Variants in ASF1A observed in about 807,000 individuals in gnomAD.
ASF1A encodes the protein histone chaperone ASF1A.
In ASF1A, 5 loss-of-function variants were observed where a neutral mutation model predicts 22.0. The ratio of observed to expected loss-of-function variants is 0.23; its 90% CI spans 0.12 to 0.48. The LOEUF (loss-of-function observed/expected upper bound fraction) is 0.48, where lower values mean the gene tolerates loss of function less well. Among genes scored for constraint, ASF1A ranks in the 20% least tolerant of loss-of-function variants. The pLI is 0.99. For missense variants in ASF1A, 137 were observed against 240.6 expected (o/e 0.57, Z 2.85); for synonymous variants, 97 against 86.7 (o/e 1.12, Z -0.66).
chr6:118,900,363 CA>C (rs1779725900), intron 1 of ASF1A, among the ~76,000 whole-genome samples: 1 of 151,624 alleles, frequency 6.6e-6, no homozygotes, highest in Non-Finnish European at 1.5e-5. Flanking sequence ...AGATGATATA[CA>C]AAAAAAGGGG....
intron 1 of ASF1A, among the ~76,000 whole-genome samples, chr6:118,896,849 TA>T (rs1382000025): frequency 1.4e-5 from 2 of 138,974 alleles, no homozygotes; most frequent in East Asian, 2.1e-4. Context: ...TTTTTTTTTT[TA>T]AATGAGACAG....
At chr6:118,903,693 A>G (rs996977838) in intron 2 of ASF1A, among the ~76,000 whole-genome samples, 1 of 152,230 alleles carries the variant, frequency 6.6e-6, no homozygotes, top group African/African-American at 2.4e-5. Flanking sequence ...GATGTGAGCG[A>G]AGGACCTTTC....
chr6:118,894,807 C>G (rs568020975), intron 1 of ASF1A, among the ~76,000 whole-genome samples: 1 of 152,312 alleles, frequency 6.6e-6, no homozygotes, highest in South Asian at 2.1e-4. Flanking sequence ...CTCGGAGACC[C>G]GCACTCGCTC....
chr6:118,900,670 C>A, intron 1 of ASF1A, 96 bp from the exon 2 acceptor site: 3 of 852,912 alleles, frequency 3.5e-6, no homozygotes, highest in South Asian at 2.9e-5. Context: ...AATTTTAAAG[C>A]CAGTAAGTGG....
chr6:118,905,530 G>T, intron 2 of ASF1A, 122 bp from the exon 3 acceptor site: 1 of 678,386 alleles, frequency 1.5e-6, no homozygotes, highest in Non-Finnish European at 2.4e-6. Flanking sequence ...TTCCCAGTAT[G>T]ATTTCCAAGT....
At chr6:118,902,103 A>G (rs1779829868) in intron 2 of ASF1A, among the ~76,000 whole-genome samples, 1 of 152,236 alleles carries the variant, frequency 6.6e-6, no homozygotes, top group African/African-American at 2.4e-5. Context: ...AAATATATGA[A>G]TTAAAAGTGC....
intron 2 of ASF1A, 149 bp downstream of exon 2, chr6:118,901,030 G>A (rs1376965075): frequency 1.7e-6 from 1 of 602,778 alleles, no homozygotes; most frequent in Admixed American, 2.9e-5. Context: ...CATGTTTTAG[G>A]CAGTCTCTGT....
intron 1 of ASF1A, among the ~76,000 whole-genome samples, chr6:118,895,220 T>A (rs1203348884): frequency 1.3e-5 from 2 of 151,686 alleles, no homozygotes; most frequent in Middle Eastern, 3.4e-3. Context: ...GCGCCGGCGC[T>A]CCCCGGGGGC....
At chr6:118,903,550 T>C (rs1339239183) in intron 2 of ASF1A, among the ~76,000 whole-genome samples, 1 of 152,150 alleles carries the variant, frequency 6.6e-6, no homozygotes, top group South Asian at 2.1e-4. Context: ...CATACGTTCT[T>C]AGATAATTTG....
Position 118,909,095 on chromosome 6 carries a change from T to A in ASF1A, c.*1481T>A, listed in dbSNP as rs1226829695. The A allele has an allele frequency of 6.6e-6, 1 of 152,136 alleles. No homozygotes were observed. The highest frequency in any genetic ancestry group is 2.4e-5 in the African/African-American group (1 of 41,446). The allele number at this position is 152,136 out of a possible 1,614,324, so 9.4% of individuals were successfully genotyped here. On this transcript the variant is annotated 3_prime_UTR_variant, in exon 4 of 4. Coordinates refer to ENST00000229595, the MANE Select transcript of ASF1A (RefSeq NM_014034.3). Reference sequence around the variant, plus strand: ...GACTGTTAAAACTATATAAAGAAAATCTCATTTGTCTAATTGCAATTAAAA... The same window carrying A: ...GACTGTTAAAACTATATAAAGAAAAACTCATTTGTCTAATTGCAATTAAAA...
Position 118,908,048 on chromosome 6 carries a change from TAA to T in ASF1A, c.*435_*436del, listed in dbSNP as rs1020953000. On this transcript the variant is annotated 3_prime_UTR_variant, in exon 4 of 4. Transcript: ENST00000229595. Reference sequence around the variant, plus strand: ...GAAGACATATGGTATCATTTTAATTTAAGGGGCAGATTTCCATTCTTTTTTGG... The same window carrying T: ...GAAGACATATGGTATCATTTTAATTTGGGGCAGATTTCCATTCTTTTTTGG... 1.3e-5 allele frequency: 2 copies of T among 154,326 alleles called. No homozygotes were observed. Among genetic ancestry groups the T allele is most frequent in the African/African-American group, 4.8e-5 (2 of 41,462 alleles). 9.6% of individuals were successfully genotyped at this position (154,326 alleles called of 1,614,324 possible).
intron 1 of ASF1A, among the ~76,000 whole-genome samples, chr6:118,897,458 C>A (rs981711696): frequency 3.3e-5 from 5 of 150,816 alleles, no homozygotes; most frequent in Non-Finnish European, 5.9e-5. Context: ...ATATATATAT[C>A]TTAATTACAG....
At chr6:118,900,708 T>C (rs1779749020) in intron 1 of ASF1A, 58 bp from the exon 2 acceptor site, 1 of 1,223,228 alleles carries the variant, frequency 8.2e-7, no homozygotes, top group South Asian at 1.2e-5. Flanking sequence ...GGGTCTTTGA[T>C]GTCATCTGGT....
At chr6:118,906,188 T>C (rs978980457) in intron 3 of ASF1A, among the ~76,000 whole-genome samples, 1 of 152,176 alleles carries the variant, frequency 6.6e-6, no homozygotes, top group Non-Finnish European at 1.5e-5. Flanking sequence ...TTCTCCTGTC[T>C]CAGCCTCCCA....
Position 118,896,046 on chromosome 6 carries a change from T to TG in ASF1A, c.109+1524_109+1525insG, listed in dbSNP as rs1164710973. Among the ~76,000 whole-genome samples the TG allele has an allele frequency of 3.4e-5, 5 of 148,822 alleles. No homozygotes were observed. In the South Asian group the frequency reaches 1.0e-3, roughly 31 times the overall value. On this transcript the variant is annotated intron_variant, in intron 1 of 3. Transcript: ENST00000229595. ...TTACTTTAACATGTGCCCCCGTTTT[T>TG]TTTTTTTTTTTAAACCTATATAGAG...
chr6:118,896,729 G>T (rs1233166073), intron 1 of ASF1A, among the ~76,000 whole-genome samples: 1 of 152,078 alleles, frequency 6.6e-6, no homozygotes, highest in East Asian at 1.9e-4. Context: ...TCCACCTAGA[G>T]GCTATGTGGA....
intron 1 of ASF1A, among the ~76,000 whole-genome samples, chr6:118,897,940 C>T (rs768061429): frequency 2.0e-5 from 3 of 152,178 alleles, no homozygotes; most frequent in Non-Finnish European, 2.9e-5. Flanking sequence ...TACAAGTGTT[C>T]CCTGAGTTGC....
chr6:118,899,263 C>T (rs1002167019), intron 1 of ASF1A, among the ~76,000 whole-genome samples: 2 of 152,324 alleles, frequency 1.3e-5, no homozygotes, highest in South Asian at 2.1e-4. Flanking sequence ...CAAAACCCTT[C>T]GATGGCTTCC....
intron 2 of ASF1A, 157 bp downstream of exon 2, chr6:118,901,038 T>C: frequency 3.4e-6 from 2 of 580,852 alleles, no homozygotes; most frequent in South Asian, 4.6e-5. Context: ...AGGCAGTCTC[T>C]GTGTCACAGA....
Sources: gnomAD v4.1 joint callset for allele counts (sites outside exome capture counted in the v4.1 genomes callset) on GRCh38, gnomAD v4.1.1 for gene constraint, MANE v1.5 for transcripts, NCBI Gene and HGNC (gene_info 2026-07-23, HGNC 2026-07-21) for gene names.